GRIK3: variants seen among roughly 807,000 people sequenced by gnomAD.
The protein encoded by GRIK3 is glutamate ionotropic receptor kainate type subunit 3, also known as glutamate receptor ionotropic, kainate 3.
In GRIK3, 29 loss-of-function variants were observed where a neutral mutation model predicts 102.5. That is an observed-to-expected ratio of 0.28 (90% CI 0.21 to 0.39). The LOEUF (loss-of-function observed/expected upper bound fraction) is 0.39. Among genes scored for constraint, GRIK3 ranks in the 10% least tolerant of loss-of-function variants. The pLI, the probability that GRIK3 is intolerant of heterozygous loss-of-function variation, is 1.00. For synonymous variants in GRIK3, 511 were observed against 504.9 expected (o/e 1.01, Z -0.16); for missense variants, 908 against 1,252.4 (o/e 0.73, Z 4.15).
At chr1:37,003,258 T>A (rs1299975799) in intron 1 of GRIK3, among the ~76,000 whole-genome samples, 1 of 152,204 alleles carries the variant, frequency 6.6e-6, no homozygotes, top group Non-Finnish European at 1.5e-5. Flanking sequence ...AAGTGAGCTA[T>A]CATATTAAAT....
intron 1 of GRIK3, among the ~76,000 whole-genome samples, chr1:37,019,152 T>G (rs745655102): frequency 2.0e-5 from 3 of 152,202 alleles, no homozygotes; most frequent in Non-Finnish European, 4.4e-5. Context: ...ACCCCTTCCT[T>G]TAGCTTTCAC....
intron 15 of GRIK3, among the ~76,000 whole-genome samples, chr1:36,804,407 C>T (rs1246634595): frequency 6.6e-6 from 1 of 152,140 alleles, no homozygotes; most frequent in South Asian, 2.1e-4. Flanking sequence ...AAACTTTCTC[C>T]CTGTGATTCT....
chr1:36,906,655 GGTT>G (rs10535910), intron 1 of GRIK3, among the ~76,000 whole-genome samples: 121,209 of 151,914 alleles, frequency 0.8, 50,774 homozygotes, highest in Non-Finnish European at 0.92. Flanking sequence ...TGGACCAGAT[GGTT>G]GTTGTTGCAA....
intron 1 of GRIK3, among the ~76,000 whole-genome samples, chr1:36,957,480 G>GTGTGCCCGTGAGTCTC (rs1557440420): frequency 0.025 from 1,519 of 59,698 alleles, no homozygotes; most frequent in African/African-American, 0.038. Flanking sequence ...CTGTGAGTCT[G>GTGTGCCCGTGAGTCTC]TGCCCCGTGA....
At chr1:36,992,918 G>T (rs181452390) in intron 1 of GRIK3, among the ~76,000 whole-genome samples, 9 of 152,298 alleles carry the variant, frequency 5.9e-5, no homozygotes, top group Non-Finnish European at 1.3e-4. Context: ...TTACTTTACT[G>T]CCCTGCAGCC....
chr1:36,873,347 A>G (rs1314506824), intron 3 of GRIK3, among the ~76,000 whole-genome samples: 3 of 152,206 alleles, frequency 2.0e-5, no homozygotes. Context: ...ACTTCCAGGG[A>G]AAACTGAATG....
chr1:36,859,255 C>T lies in GRIK3; in HGVS notation c.961-4G>A. 1.2e-6 allele frequency: 2 copies of T among 1,601,092 alleles called. No individual in the cohort carries two copies. Among genetic ancestry groups the T allele is most frequent in the South Asian group, 1.1e-5 (1 of 90,268 alleles). On this transcript the variant is annotated splice_polypyrimidine_tract_variant and splice_region_variant and intron_variant, in intron 6 of 15. Coordinates refer to ENST00000373091, the MANE Select transcript of GRIK3 (RefSeq NM_000831.4). ...CGTACAGTAAGGCTGCATCAGTCTG[C>T]AGGGAAGGGCCTGCCTGAGAGCGGC...
At chr1:36,814,540 G>A (rs1642602357) in intron 13 of GRIK3, among the ~76,000 whole-genome samples, 1 of 130,590 alleles carries the variant, frequency 7.7e-6, no homozygotes, top group Non-Finnish European at 1.5e-5. Context: ...AGACACATAT[G>A]CATGCATGGG....
intron 1 of GRIK3, among the ~76,000 whole-genome samples, chr1:36,983,907 CTCTG>C (rs1214412934): frequency 6.6e-6 from 1 of 152,192 alleles, no homozygotes; most frequent in African/African-American, 2.4e-5. Context: ...CTGCTCTAGT[CTCTG>C]TCTGCCCCAC....
chr1:36,874,588 C>A (rs1473579247), intron 3 of GRIK3, among the ~76,000 whole-genome samples: 1 of 152,196 alleles, frequency 6.6e-6, no homozygotes, highest in Non-Finnish European at 1.5e-5. Flanking sequence ...CTATCCCCCT[C>A]CCAATGTATC....
At chr1:36,806,000 C>T (rs1642496775) in intron 14 of GRIK3, 104 bp downstream of exon 14, 1 of 510,756 alleles carries the variant, frequency 2.0e-6, no homozygotes, top group South Asian at 2.3e-5. Flanking sequence ...TCACCTTTAT[C>T]AGCCCCATGG....
At chr1:36,846,007 C>T (rs756334574) in intron 9 of GRIK3, among the ~76,000 whole-genome samples, 1 of 152,254 alleles carries the variant, frequency 6.6e-6, no homozygotes, top group Non-Finnish European at 1.5e-5. Context: ...CCCACACACC[C>T]GCACGCATGC....
intron 1 of GRIK3, among the ~76,000 whole-genome samples, chr1:36,984,378 A>G (rs1433610594): frequency 6.6e-6 from 1 of 152,244 alleles, no homozygotes; most frequent in Non-Finnish European, 1.5e-5. Flanking sequence ...CAGGGGCCTG[A>G]GTCAGGAGCT....
chr1:37,030,622 C>T (rs1306597304), intron 1 of GRIK3, among the ~76,000 whole-genome samples: 5 of 144,722 alleles, frequency 3.5e-5, no homozygotes, highest in South Asian at 4.5e-4. Context: ...GGCTGGAGAT[C>T]GCCACCATCC....
At chr1:36,830,620 G>A (rs1640263286) in intron 10 of GRIK3, among the ~76,000 whole-genome samples, 1 of 151,898 alleles carries the variant, frequency 6.6e-6, no homozygotes, top group Admixed American at 6.6e-5. Context: ...GACCAGCCTG[G>A]CCAACATGGT....
At chr1:36,885,955 C>T (rs905795361) in intron 2 of GRIK3, among the ~76,000 whole-genome samples, 3 of 152,156 alleles carry the variant, frequency 2.0e-5, no homozygotes, top group East Asian at 1.9e-4. Context: ...CAAAAATTAT[C>T]CCAATCAATT....
chr1:36,874,039 T>C (rs1479307056), intron 3 of GRIK3, among the ~76,000 whole-genome samples: 2 of 152,174 alleles, frequency 1.3e-5, no homozygotes, highest in Non-Finnish European at 2.9e-5. Context: ...AACTTTCCAG[T>C]AAAGGAAACC....
chr1:37,032,506 T>C (rs1370778230), intron 1 of GRIK3, among the ~76,000 whole-genome samples: 1 of 151,958 alleles, frequency 6.6e-6, no homozygotes, highest in Non-Finnish European at 1.5e-5. Context: ...AGGGGAGGCT[T>C]CCTGCCCCTG....
intron 10 of GRIK3, among the ~76,000 whole-genome samples, chr1:36,829,591 T>G (rs1267865658): frequency 6.6e-6 from 1 of 152,128 alleles, no homozygotes; most frequent in African/African-American, 2.4e-5. Flanking sequence ...GTACTATTTC[T>G]AAACCTCTGG....
Sources: gnomAD v4.1 joint callset for allele counts (sites outside exome capture counted in the v4.1 genomes callset) on GRCh38, gnomAD v4.1.1 for gene constraint, MANE v1.5 for transcripts, NCBI Gene and HGNC (gene_info 2026-07-23, HGNC 2026-07-21) for gene names.